Variants in GNAS observed in about 807,000 individuals in gnomAD.
GNAS encodes GNAS complex locus.
In GNAS, 8 loss-of-function variants were observed where a neutral mutation model predicts 54.5. The observed-to-expected ratio is 0.15, with a 90% confidence interval of 0.09 to 0.26. The LOEUF (loss-of-function observed/expected upper bound fraction) is 0.26, where lower values mean the gene tolerates loss of function less well. Among genes scored for constraint, GNAS ranks in the 10% least tolerant of loss-of-function variants. GNAS has a pLI of 1.00. For missense variants in GNAS, 170 were observed against 529.8 expected, an observed-to-expected ratio of 0.32 and a Z score of 6.67; for synonymous variants, 204 against 191.4, an observed-to-expected ratio of 1.07 and a Z score of -0.54.
intron 1 of GNAS, chr20:58,892,075 C>G: frequency 1.0e-6 from 1 of 959,218 alleles, no homozygotes; most frequent in South Asian, 4.8e-5. Context: ...GGCGGGGGGC[C>G]GTGGCGACGC....
chr20:58,854,357 C>T (rs765192652), intron 1 of GNAS: 1 of 1,578,536 alleles, frequency 6.3e-7, no homozygotes, highest in Non-Finnish European at 8.6e-7. Context: ...TGGAAGGAGC[C>T]GCTGATGCCG....
rs559634361 is a variant in GNAS at position 58,864,361 on chromosome 20, T to C, written c.43+23475T>C. On this transcript the variant is annotated intron_variant, in intron 1 of 12. Transcript: ENST00000306090. The stretch of plus-strand genomic sequence containing the variant: ...TTTTTTGGGGGGGCCTTCATGGGCT[T>C]TTGAAATCTTAGGAAGTGTCCATCC... Among the ~76,000 whole-genome samples, 18 of 152,292 alleles carry C rather than the reference T, an allele frequency of 1.2e-4. No individual in the cohort carries two copies. The South Asian group carries it at 3.7e-3, about 32-fold the overall frequency.
At chr20:58,876,315 G>A (rs976762105) in intron 1 of GNAS, among the ~76,000 whole-genome samples, 6 of 152,138 alleles carry the variant, frequency 3.9e-5, no homozygotes, top group African/African-American at 1.4e-4. Flanking sequence ...TGAATATTAT[G>A]AGTCCCTCCC....
At chr20:58,855,972 T>G in intron 1 of GNAS, 4 of 283,816 alleles carry the variant, frequency 1.4e-5, no homozygotes, top group African/African-American at 2.2e-5. Flanking sequence ...ACTCTGGTGG[T>G]ACCTGCGCCC....
Position 58,840,995 on chromosome 20 carries a change from G to A in GNAS, c.43+109G>A. On this transcript the variant is annotated intron_variant, in intron 1 of 12. Coordinates refer to the GNAS transcript ENST00000306090. This position sits in a 1 kb window ranked among gnomAD's most constrained non-coding sequence, Gnocchi z 6.0. ...GTCAGGGGCGAGTGGGAAGAGAGGA[G>A]GCTCAGCTGGTCAGCCTGGGATCGG... 4 of 1,217,014 alleles carry A rather than the reference G, an allele frequency of 3.3e-6. No homozygotes were observed. The highest frequency in any genetic ancestry group is 1.3e-5 in the South Asian group (1 of 76,592). The allele number at this position is 1,217,014 out of a possible 1,614,324, so 75.4% of individuals were successfully genotyped here.
intron 3 of GNAS, among the ~76,000 whole-genome samples, chr20:58,902,644 A>T (rs1216589202): frequency 6.7e-6 from 1 of 149,770 alleles, no homozygotes; most frequent in Non-Finnish European, 1.5e-5. Flanking sequence ...TTCCTATTGC[A>T]CATGGACCAA....
upstream of GNAS, chr20:58,840,034 C>G: frequency 6.5e-7 from 1 of 1,543,164 alleles, no homozygotes; most frequent in South Asian, 1.1e-5. The surrounding 1 kb of genome is among the most constrained non-coding windows in gnomAD (Gnocchi z 6.0). Flanking sequence ...CCGGCTCCAG[C>G]AGCCAATGTG....
intron 2 of GNAS, 114 bp from the exon 3 acceptor site, chr20:58,898,827 A>G: frequency 1.0e-6 from 1 of 968,796 alleles, no homozygotes; most frequent in African/African-American, 1.6e-5. Flanking sequence ...CTGGCGCGCG[A>G]ATTGTTGCTT....
chr20:58,892,190 A>T, intron 1 of GNAS: 1 of 973,542 alleles, frequency 1.0e-6, no homozygotes, highest in African/African-American at 1.8e-5. Flanking sequence ...CGCGAGGCCT[A>T]CACGACGCCA....
intron 1 of GNAS, among the ~76,000 whole-genome samples, chr20:58,848,061 T>C (rs1285209552): frequency 1.3e-5 from 2 of 152,232 alleles, no homozygotes; most frequent in African/African-American, 4.8e-5. Context: ...GGGTTCCATA[T>C]TTTCAAAACG....
chr20:58,882,812 A>T (rs1195438670), intron 1 of GNAS: 4 of 152,044 alleles, frequency 2.6e-5, no homozygotes, highest in Non-Finnish European at 5.9e-5. Context: ...TTCTTACATA[A>T]TGGAGAAGAG....
intron 1 of GNAS, among the ~76,000 whole-genome samples, chr20:58,846,178 G>C (rs1316166749): frequency 6.6e-6 from 1 of 152,168 alleles, no homozygotes; most frequent in African/African-American, 2.4e-5. Flanking sequence ...ATTTAGAAAT[G>C]GGGAAGGGGG....
chr20:58,891,660 C>G lies in GNAS; in HGVS notation c.-67C>G. ...CCGGCGCTGCCCCGGCCCTCCCGGC[C>G]CGCGTGAGGCCGCCCGCGCCCGCCG... On this transcript the variant is annotated 5_prime_UTR_variant, in exon 1 of 13. Transcript: ENST00000371085. 1 of 972,330 alleles carries G rather than the reference C, an allele frequency of 1.0e-6. No homozygotes were observed. The highest frequency in any genetic ancestry group is 1.8e-5 in the African/African-American group (1 of 54,980). 60.2% of individuals were successfully genotyped at this position (972,330 alleles called of 1,614,324 possible).
chr20:58,887,744 G>C (rs1444473345), upstream of GNAS, among the ~76,000 whole-genome samples: 1 of 152,144 alleles, frequency 6.6e-6, no homozygotes, highest in Non-Finnish European at 1.5e-5. Flanking sequence ...AGGGCAGGAC[G>C]GTGTCTAGGC....
intron 2 of GNAS, chr20:58,898,738 TC>T: frequency 1.5e-6 from 1 of 650,560 alleles, no homozygotes; most frequent in African/African-American, 1.8e-5. Context: ...GTGGGATTCT[TC>T]CCCCATGGCC....
chr20:58,907,135 G>C (rs1319253493), intron 6 of GNAS, among the ~76,000 whole-genome samples: 1 of 152,194 alleles, frequency 6.6e-6, no homozygotes, highest in African/African-American at 2.4e-5. Context: ...GGGAGGAAGA[G>C]GTAATACTGT....
intron 1 of GNAS, among the ~76,000 whole-genome samples, chr20:58,870,609 T>A (rs1316405432): frequency 3.3e-5 from 5 of 152,306 alleles, no homozygotes; most frequent in Middle Eastern, 3.4e-3. Context: ...CTGTCTTGGG[T>A]CCCGGGGACC....
intron 1 of GNAS, among the ~76,000 whole-genome samples, chr20:58,878,050 C>T (rs988243223): frequency 1.3e-5 from 2 of 152,196 alleles, no homozygotes; most frequent in Non-Finnish European, 1.5e-5. Context: ...CCTTTCACCT[C>T]CCTCCTTGGT....
At chr20:58,884,088 C>T (rs547588457) in intron 1 of GNAS, among the ~76,000 whole-genome samples, 6 of 152,234 alleles carry the variant, frequency 3.9e-5, no homozygotes, top group African/African-American at 9.6e-5. Context: ...GCTCTGAAGG[C>T]GAATGACACC....
Sources: gnomAD v4.1 joint callset for allele counts (sites outside exome capture counted in the v4.1 genomes callset) on GRCh38, gnomAD v4.1.1 for gene constraint, Gnocchi (gnomAD v3.1) non-coding constraint, MANE v1.5 for transcripts, NCBI Gene and HGNC (gene_info 2026-07-23, HGNC 2026-07-21) for gene names.